Variants in POP4 observed in about 807,000 individuals in gnomAD.
POP4 encodes the protein POP4 ribonuclease P/MRP subunit, also known as ribonuclease P protein subunit p29.
In POP4, 31 loss-of-function variants were observed where a neutral mutation model predicts 29.9. That is an observed-to-expected ratio of 1.04 (90% CI 0.78 to 1.40). The LOEUF (loss-of-function observed/expected upper bound fraction) is 1.40. Among genes scored for constraint, POP4 ranks in the 40% most tolerant of loss-of-function variants. POP4 has a pLI of 0.00. For synonymous variants in POP4, 110 were observed against 108.2 expected, an observed-to-expected ratio of 1.02 and a Z score of -0.10; for missense variants, 286 against 282.7, an observed-to-expected ratio of 1.01 and a Z score of -0.08.
chr19:29,608,744 G>A, intron 2 of POP4, 35 bp downstream of exon 2: 1 of 1,600,762 alleles, frequency 6.2e-7, no homozygotes, highest in Non-Finnish European at 8.6e-7. Flanking sequence ...GAGCAACAGA[G>A]GTGATGGCAA....
intron 1 of POP4, 100 bp from the exon 2 acceptor site, chr19:29,608,557 A>T: frequency 8.1e-7 from 1 of 1,239,882 alleles, no homozygotes; most frequent in Non-Finnish European, 1.2e-6. Flanking sequence ...GGTATGAGCC[A>T]CTGCGCCTAG....
rs1402926969 is a variant in POP4 at position 29,610,528 on chromosome 19, C to T, written c.180C>T (p.Tyr60=). 6 of 1,613,434 alleles carry T rather than the reference C, an allele frequency of 3.7e-6. No homozygotes were observed. The South Asian group carries it at 6.6e-5, about 18-fold the overall frequency. ...QLQRKAVVLE[Y]FTRHKRKEKK... The stretch of plus-strand genomic sequence containing the variant: ...AGCGCAAGGCGGTGGTCCTGGAGTA[C>T]TTCACCCGCCACAAGCGCAAGGAGA... The change falls in exon 3 of 7, where the codon TAC becomes TAT. Residue 60 remains tyrosine (Y), a synonymous_variant. Coordinates refer to ENST00000585603, the MANE Select transcript of POP4 (RefSeq NM_006627.3).
intron 1 of POP4, among the ~76,000 whole-genome samples, chr19:29,607,810 G>A (rs554207791): frequency 1.3e-5 from 2 of 152,336 alleles, no homozygotes; most frequent in South Asian, 4.1e-4. Context: ...ATTAAAATGT[G>A]AAGAATCTTT....
chr19:29,610,479 C>T lies in POP4; in HGVS notation c.131C>T (p.Pro44Leu), dbSNP rs758843443. 9.3e-6 allele frequency: 15 copies of T among 1,607,050 alleles called. No homozygotes were observed. Among genetic ancestry groups the T allele is most frequent in the Middle Eastern group, 1.7e-4 (1 of 5,902 alleles). Reference sequence around the variant, plus strand: ...AAGCGCAGCACGCCCCGCATGAGCCCGCAGGCCCGCGAGGACCAGCTGCAG... The same window carrying T: ...AAGCGCAGCACGCCCCGCATGAGCCTGCAGGCCCGCGAGGACCAGCTGCAG... ...FLKRSTPRMS[P>L]QAREDQLQRK... The change falls in exon 3 of 7, where the codon CCG (proline) becomes CTG (leucine). Residue 44 changes from proline (P) to leucine (L), a missense_variant. Coordinates refer to ENST00000585603, the MANE Select transcript of POP4 (RefSeq NM_006627.3).
chr19:29,607,633 T>C (rs1441228978), intron 1 of POP4, among the ~76,000 whole-genome samples: 1 of 152,204 alleles, frequency 6.6e-6, no homozygotes. Flanking sequence ...CTGTACTCTG[T>C]CCCCAGTGCC....
intron 1 of POP4, 102 bp from the exon 2 acceptor site, chr19:29,608,555 C>A: frequency 8.5e-7 from 1 of 1,180,660 alleles, no homozygotes; most frequent in Non-Finnish European, 1.2e-6. Context: ...CAGGTATGAG[C>A]CACTGCGCCT....
At chr19:29,607,731 GT>G (rs1334328196) in intron 1 of POP4, among the ~76,000 whole-genome samples, 1 of 152,130 alleles carries the variant, frequency 6.6e-6, no homozygotes, top group Non-Finnish European at 1.5e-5. Flanking sequence ...TATATTTTGA[GT>G]TTAAAGGAAA....
chr19:29,608,590 A>G, intron 1 of POP4, 67 bp from the exon 2 acceptor site: 1 of 1,475,830 alleles, frequency 6.8e-7, no homozygotes, highest in Non-Finnish European at 9.5e-7. Flanking sequence ...TTTCATAGTT[A>G]GAAAAGTCTT....
chr19:29,607,381 G>A (rs531494192), intron 1 of POP4, among the ~76,000 whole-genome samples: 59 of 151,860 alleles, frequency 3.9e-4, no homozygotes, highest in Middle Eastern at 6.8e-3. Flanking sequence ...CCAGGAGGTC[G>A]AAGTTGCAGT....
At position 29,615,325 on chromosome 19, in the gene POP4, G is replaced by C. The variant is rs536828056; in HGVS notation, c.608G>C (p.Arg203Pro). ...ATTTACGGGAGCAAATTCCAGCTTC[G>C]GTCAAGTGAACGGTCTGCGAAGAAG... ...SYIYGSKFQLRSSERSAKKFK... is the reference protein window; with the variant it reads ...SYIYGSKFQLPSSERSAKKFK... Residue 203 changes from arginine to proline, a missense_variant, in exon 7 of 7, where the codon CGG (arginine) becomes CCG (proline). Physicochemically the swap from Arg to Pro is moderately radical, Grantham distance 103. Transcript: ENST00000585603. 4.3e-6 allele frequency: 7 copies of C among 1,612,134 alleles called. No individual in the cohort carries two copies. Among genetic ancestry groups the C allele is most frequent in the Non-Finnish European group, 5.9e-6 (7 of 1,179,796 alleles).
At chr19:29,611,408 C>T (rs1049042863) in intron 3 of POP4, 8 of 178,690 alleles carry the variant, frequency 4.5e-5, no homozygotes, top group South Asian at 2.4e-4. Flanking sequence ...CCCAGAAGAA[C>T]GCTGTTGGGG....
chr19:29,610,177 C>T, intron 2 of POP4: 2 of 539,556 alleles, frequency 3.7e-6, no homozygotes, highest in Non-Finnish European at 3.3e-6. Context: ...GAGCGTTTGA[C>T]ACGCTGTTGT....
chr19:29,615,287 C>T lies in POP4; in HGVS notation c.570C>T (p.Gly190=), dbSNP rs1359308502. The part of the protein sequence containing the change: ...LNCVFTVETD[G]FISYIYGSKF... ...GCGTGTTCACTGTGGAAACCGATGG[C>T]TTTATTTCCTACATTTACGGGAGCA... is the stretch of plus-strand genomic sequence containing the variant. The change falls in exon 7 of 7, where the codon GGC becomes GGT. Residue 190 remains glycine, a synonymous_variant. Transcript: ENST00000585603. 1 of 1,594,428 alleles carries T rather than the reference C, an allele frequency of 6.3e-7. No homozygotes were observed. Among genetic ancestry groups the T allele is most frequent in the Non-Finnish European group, 8.5e-7 (1 of 1,172,880 alleles).
At position 29,615,467 on chromosome 19, in the gene POP4, G is replaced by A. The variant is rs915647396; in HGVS notation, c.*87G>A. On this transcript the variant is annotated 3_prime_UTR_variant, in exon 7 of 7. Transcript: ENST00000585603. ...CACCTTTCAGTGAAGAGATAGTTAA[G>A]CCAATTCCATTTATAGACCACCTCC... 25 of 1,470,970 alleles carry A rather than the reference G, an allele frequency of 1.7e-5. No homozygotes were observed. The highest frequency in any genetic ancestry group is 2.3e-5 in the Non-Finnish European group (25 of 1,081,842). 91.1% of individuals were successfully genotyped at this position (1,470,970 alleles called of 1,614,324 possible). A position where few individuals can be genotyped will look rare whatever the true frequency, so the allele number is the denominator to read the frequency against.
At chr19:29,608,584 A>G in intron 1 of POP4, 73 bp from the exon 2 acceptor site, 2 of 1,453,846 alleles carry the variant, frequency 1.4e-6, no homozygotes, top group Non-Finnish European at 1.9e-6. Context: ...AGTTATTTTC[A>G]TAGTTAGAAA....
At chr19:29,608,262 C>CTTTTTTT (rs1164860504) in intron 1 of POP4, among the ~76,000 whole-genome samples, 297 of 86,556 alleles carry the variant, frequency 3.4e-3, no homozygotes, top group African/African-American at 7.9e-3. Context: ...CTTTTCTTTT[C>CTTTTTTT]TTTTTTTTTT....
Position 29,615,569 on chromosome 19 carries a change from C to G in POP4, c.*189C>G, listed in dbSNP as rs1008719151. 6 of 515,708 alleles carry G rather than the reference C, an allele frequency of 1.2e-5. No individual in the cohort carries two copies. The highest frequency in any genetic ancestry group is 1.9e-5 in the African/African-American group (1 of 52,274). 31.9% of individuals were successfully genotyped at this position (515,708 alleles called of 1,614,324 possible). A position where few individuals can be genotyped will look rare whatever the true frequency, so the allele number is the denominator to read the frequency against. ...CGTACTAAGTGAAGAAGTCAGAGGA[C>G]AGAGGAATTTCTCTTTCTAGGAGAT... is the stretch of plus-strand genomic sequence containing the variant. On this transcript the variant is annotated 3_prime_UTR_variant, in exon 7 of 7. Transcript: ENST00000585603.
intron 2 of POP4, chr19:29,610,118 T>C: frequency 2.3e-6 from 1 of 427,044 alleles, no homozygotes; most frequent in East Asian, 4.1e-5. Flanking sequence ...ATAGAAAGGT[T>C]TTGGTCCTTT....
intron 3 of POP4, 68 bp from the exon 4 acceptor site, chr19:29,611,794 G>C (rs1339296670): frequency 7.5e-7 from 1 of 1,324,644 alleles, no homozygotes; most frequent in East Asian, 2.3e-5. Flanking sequence ...CAAGCTCTGT[G>C]CTATTTGGAC....
Sources: allele counts gnomAD v4.1 joint callset (sites outside exome capture counted in the v4.1 genomes callset), GRCh38; gene constraint gnomAD v4.1.1; transcripts MANE v1.5; gene names NCBI Gene and HGNC (gene_info 2026-07-23, HGNC 2026-07-21).